GFRA2: variants seen among roughly 807,000 people sequenced by gnomAD.
GFRA2 encodes GDNF family receptor alpha 2, also known as GDNF family receptor alpha-2.
GFRA2 carries 17 observed loss-of-function variants against 48.3 expected under a neutral mutation model. The ratio of observed to expected loss-of-function variants is 0.35; its 90% CI spans 0.24 to 0.53. The LOEUF (loss-of-function observed/expected upper bound fraction) is 0.53, where lower values mean the gene tolerates loss of function less well. Ranked by LOEUF, GFRA2 falls within the 20% of genes least tolerant of loss-of-function variation. The pLI is 0.93. For synonymous variants in GFRA2, 305 were observed against 257.2 expected (o/e 1.19, Z -1.78); for missense variants, 660 against 637.3 (o/e 1.04, Z -0.38).
At chr8:21,747,496 T>G (rs540018313) in intron 4 of GFRA2, among the ~76,000 whole-genome samples, 2 of 152,272 alleles carry the variant, frequency 1.3e-5, no homozygotes, top group East Asian at 1.9e-4. Context: ...AAAACCCACC[T>G]TCTTCACAGA....
chr8:21,789,400 A>C (rs1807454505), upstream of GFRA2: 1 of 152,278 alleles, frequency 6.6e-6, no homozygotes, highest in Non-Finnish European at 1.5e-5. Flanking sequence ...TGGGGAGCTG[A>C]GCTGAGGCTG....
intron 3 of GFRA2, among the ~76,000 whole-genome samples, chr8:21,774,248 G>A (rs897708887): frequency 1.4e-4 from 22 of 151,866 alleles, no homozygotes; most frequent in Non-Finnish European, 1.8e-4. Context: ...ATGCCAGAGA[G>A]AACAAAGCCG....
rs143578154 is a variant in GFRA2 at position 21,746,782 on chromosome 8, C to G, written c.794+3806G>C. Among the ~76,000 whole-genome samples the G allele has an allele frequency of 3.9e-4, 59 of 150,780 alleles. No individual in the cohort carries two copies. The East Asian group carries it at 0.01, about 27-fold the overall frequency. On this transcript the variant is annotated intron_variant, in intron 4 of 8. Coordinates refer to ENST00000524240, the MANE Select transcript of GFRA2 (RefSeq NM_001495.5). ...GATTCTCCTGTTTCCTAGCTTCCCC[C>G]ACCTCCAGAAAAGCAAAAAAAAAAA...
intron 2 of GFRA2, among the ~76,000 whole-genome samples, chr8:21,798,834 A>G (rs1275438336): frequency 6.6e-6 from 1 of 152,200 alleles, no homozygotes; most frequent in Non-Finnish European, 1.5e-5. Context: ...CCCTTTTCAC[A>G]GGTGAGAATA....
At chr8:21,739,749 A>G (rs1479568035) in intron 4 of GFRA2, among the ~76,000 whole-genome samples, 2 of 151,616 alleles carry the variant, frequency 1.3e-5, no homozygotes, top group Admixed American at 6.5e-5. Flanking sequence ...CAGGACTTCC[A>G]CTGCAGGAGC....
intron 2 of GFRA2, among the ~76,000 whole-genome samples, chr8:21,779,993 C>A (rs1806895246): frequency 6.6e-6 from 1 of 151,936 alleles, no homozygotes; most frequent in Admixed American, 6.5e-5. Context: ...CTGTCTTCTT[C>A]ATGGCAACAT....
chr8:21,745,870 G>A (rs951184582), intron 4 of GFRA2, among the ~76,000 whole-genome samples: 1 of 152,156 alleles, frequency 6.6e-6, no homozygotes, highest in African/African-American at 2.4e-5. Context: ...TCAAATACCT[G>A]CTCCCACACC....
chr8:21,694,071 T>TATATATATA (rs1563209393), intron 8 of GFRA2, among the ~76,000 whole-genome samples: 19 of 71,046 alleles, frequency 2.7e-4, no homozygotes, highest in African/African-American at 9.6e-4. Flanking sequence ...ATATATTTAT[T>TATATATATA]TATTTTTATA....
At chr8:21,809,041 G>A (rs1208153271) in intron 1 of GFRA2, among the ~76,000 whole-genome samples, 1 of 152,182 alleles carries the variant, frequency 6.6e-6, no homozygotes, top group Non-Finnish European at 1.5e-5. Flanking sequence ...TCCTCCTTGG[G>A]GCCATGTTTC....
intron 3 of GFRA2, among the ~76,000 whole-genome samples, chr8:21,768,352 G>A (rs1373754482): frequency 4.6e-5 from 7 of 152,122 alleles, no homozygotes; most frequent in South Asian, 2.1e-4. Context: ...TTTATCGCCC[G>A]AGCCACCATG....
intron 4 of GFRA2, among the ~76,000 whole-genome samples, chr8:21,735,817 C>A (rs1804432251): frequency 6.6e-6 from 1 of 151,476 alleles, no homozygotes; most frequent in African/African-American, 2.4e-5. Flanking sequence ...CGGGCCCATG[C>A]CACCACACCC....
intron 4 of GFRA2, among the ~76,000 whole-genome samples, chr8:21,718,975 C>T (rs1803466929): frequency 6.6e-6 from 1 of 151,680 alleles, no homozygotes; most frequent in South Asian, 2.1e-4. Context: ...TTCTCTCCTG[C>T]AGCCATCCAA....
chr8:21,757,640 C>T lies in GFRA2; in HGVS notation c.440-6698G>A, dbSNP rs180734362. ...TCCTCAGAGTAGCTGGGATTACAGG[C>T]GCCTGCCACCACACTCAGCTAATTA... On this transcript the variant is annotated intron_variant, in intron 3 of 8. Coordinates refer to ENST00000524240, the MANE Select transcript of GFRA2 (RefSeq NM_001495.5). 7.1e-4 allele frequency among the ~76,000 whole-genome samples: 108 copies of T among 152,212 alleles called. 1 individual carries two copies. Among genetic ancestry groups the T allele is most frequent in the Admixed American group, 1.5e-3 (23 of 15,300 alleles).
At chr8:21,705,222 G>T in intron 5 of GFRA2, 97 bp from the exon 6 acceptor site, 2 of 1,281,852 alleles carry the variant, frequency 1.6e-6, no homozygotes, top group South Asian at 1.5e-5. Flanking sequence ...GCAGAGGCGT[G>T]GTACCCATCC....
intron 4 of GFRA2, among the ~76,000 whole-genome samples, chr8:21,742,165 G>C (rs1200331774): frequency 6.6e-5 from 10 of 152,158 alleles, no homozygotes; most frequent in African/African-American, 2.2e-4. Context: ...TGTAGTGTTT[G>C]TGTCTCCCCA....
chr8:21,700,369 C>T (rs890030690), intron 7 of GFRA2, among the ~76,000 whole-genome samples: 41 of 152,228 alleles, frequency 2.7e-4, no homozygotes, highest in African/African-American at 9.6e-4. Flanking sequence ...CTGAAGGAGA[C>T]ACTTCTGAGA....
intron 4 of GFRA2, among the ~76,000 whole-genome samples, chr8:21,747,541 A>G (rs998358084): frequency 6.6e-6 from 1 of 152,136 alleles, no homozygotes; most frequent in Non-Finnish European, 1.5e-5. Context: ...CTCTGGGATC[A>G]GGCCCCTCTC....
At chr8:21,695,535 G>A (rs1277473270) in intron 7 of GFRA2, among the ~76,000 whole-genome samples, 1 of 152,152 alleles carries the variant, frequency 6.6e-6, no homozygotes, top group Non-Finnish European at 1.5e-5. Flanking sequence ...TAGAGTCACT[G>A]CCAATGGTGG....
At chr8:21,738,374 C>A (rs1181404822) in intron 4 of GFRA2, among the ~76,000 whole-genome samples, 1 of 151,520 alleles carries the variant, frequency 6.6e-6, no homozygotes, top group African/African-American at 2.4e-5. Flanking sequence ...TGAGCACGTA[C>A]CGTCTGCCCT....
Sources: gnomAD v4.1 joint callset for allele counts (sites outside exome capture counted in the v4.1 genomes callset) on GRCh38, gnomAD v4.1.1 for gene constraint, MANE v1.5 for transcripts, NCBI Gene and HGNC (gene_info 2026-07-23, HGNC 2026-07-21) for gene names.